TBC1D5: variants seen among roughly 807,000 people sequenced by gnomAD.
TBC1D5 encodes TBC1 domain family member 5.
In TBC1D5, 75 loss-of-function variants were observed where a neutral mutation model predicts 100.3. The observed-to-expected ratio is 0.75, with a 90% CI of 0.62 to 0.91. TBC1D5 has a LOEUF of 0.91. TBC1D5 is among the 40% of genes least tolerant of loss of function. The probability of loss-of-function intolerance (pLI) is 0.00; values close to 1 mark genes in which losing one functional copy is unlikely to be tolerated. For missense variants in TBC1D5, 910 were observed against 942.4 expected (o/e 0.97, Z 0.45); for synonymous variants, 323 against 325.6 (o/e 0.99, Z 0.09).
At chr3:17,519,074 C>A (rs1259496346) in intron 2 of TBC1D5, 2 of 152,318 alleles carry the variant, frequency 1.3e-5, no homozygotes, top group South Asian at 2.1e-4. Flanking sequence ...AAGCAAATAT[C>A]CTGCTTCAGA....
At chr3:17,513,472 GA>G (rs2095940538) in intron 2 of TBC1D5, among the ~76,000 whole-genome samples, 1 of 152,104 alleles carries the variant, frequency 6.6e-6, no homozygotes, top group South Asian at 2.1e-4. Flanking sequence ...AGAACCTCTA[GA>G]AATGAATTTA....
chr3:17,380,039 CTGTGTATGTGTGTGTGTGTGTGTGTG>C (rs1220638430), intron 9 of TBC1D5, among the ~76,000 whole-genome samples: 15 of 100,128 alleles, frequency 1.5e-4, no homozygotes, highest in Admixed American at 1.2e-3. Context: ...ACAGCTGTGA[CTGTGTATGTGTGTGTGTGTGTGTGTG>C]TGTGTGTGTG....
At chr3:17,706,327 C>G in intron 1 of TBC1D5, 1 of 1,403,176 alleles carries the variant, frequency 7.1e-7, no homozygotes, top group Non-Finnish European at 9.6e-7. Flanking sequence ...AACTGTATAC[C>G]TTTGTGAAAG....
intron 17 of TBC1D5, among the ~76,000 whole-genome samples, chr3:17,225,723 G>A (rs560674224): frequency 6.6e-6 from 1 of 151,832 alleles, no homozygotes; most frequent in African/African-American, 2.4e-5. Context: ...ACACACCTGT[G>A]GTCCCACCTA....
chr3:17,617,285 A>T (rs1221098248), intron 2 of TBC1D5, among the ~76,000 whole-genome samples: 1 of 152,202 alleles, frequency 6.6e-6, no homozygotes, highest in Admixed American at 6.5e-5. Context: ...TTTGTGGGTA[A>T]CTCGACCTTT....
chr3:17,712,322 A>G (rs1283961735), intron 1 of TBC1D5, among the ~76,000 whole-genome samples: 1 of 152,164 alleles, frequency 6.6e-6, no homozygotes, highest in Non-Finnish European at 1.5e-5. Flanking sequence ...AGATCTTTAC[A>G]AGAGTCTGGA....
intron 1 of TBC1D5, among the ~76,000 whole-genome samples, chr3:17,730,940 T>C (rs1182376666): frequency 6.6e-6 from 1 of 152,118 alleles, no homozygotes; most frequent in African/African-American, 2.4e-5. Flanking sequence ...TCATAATTCA[T>C]AATATTTATG....
At chr3:17,350,593 C>T (rs964004872) in intron 13 of TBC1D5, among the ~76,000 whole-genome samples, 1 of 152,136 alleles carries the variant, frequency 6.6e-6, no homozygotes, top group South Asian at 2.1e-4. Flanking sequence ...GATGAAGAGA[C>T]AGATGTACTA....
chr3:17,443,886 T>A (rs1351984470), intron 3 of TBC1D5, among the ~76,000 whole-genome samples: 1 of 152,056 alleles, frequency 6.6e-6, no homozygotes, highest in Non-Finnish European at 1.5e-5. Context: ...AAACAACATT[T>A]TAAAAAATGA....
intron 19 of TBC1D5, among the ~76,000 whole-genome samples, chr3:17,178,104 C>G (rs142955683): frequency 7.3e-5 from 10 of 136,638 alleles, no homozygotes; most frequent in East Asian, 2.1e-4. Context: ...CTCGCTCTGT[C>G]GCCCAGGCTG....
intron 3 of TBC1D5, among the ~76,000 whole-genome samples, chr3:17,464,622 C>G (rs182149143): frequency 5.8e-4 from 88 of 152,302 alleles, no homozygotes; most frequent in African/African-American, 2.1e-3. Context: ...TTTACTACTG[C>G]TACCACCATG....
intron 3 of TBC1D5, among the ~76,000 whole-genome samples, chr3:17,429,935 C>G (rs1179889322): frequency 6.8e-6 from 1 of 146,996 alleles, no homozygotes; most frequent in Non-Finnish European, 1.5e-5. Context: ...TTTGAAAAAA[C>G]AAAAAATCCT....
intron 17 of TBC1D5, among the ~76,000 whole-genome samples, chr3:17,236,495 T>A (rs1467657728): frequency 6.6e-6 from 1 of 152,094 alleles, no homozygotes; most frequent in Non-Finnish European, 1.5e-5. Flanking sequence ...CGAGATTTTT[T>A]TTTTTTTTTG....
chr3:17,274,703 C>T (rs1378200133), intron 15 of TBC1D5, among the ~76,000 whole-genome samples: 1 of 152,144 alleles, frequency 6.6e-6, no homozygotes, highest in Non-Finnish European at 1.5e-5. Context: ...ACAATACCCA[C>T]TTTAAGTAGA....
chr3:17,610,418 C>T (rs1006092272), intron 2 of TBC1D5, among the ~76,000 whole-genome samples: 11 of 152,092 alleles, frequency 7.2e-5, no homozygotes, highest in African/African-American at 2.4e-4. Flanking sequence ...AACTCCTGGC[C>T]TCAAGCAATC....
At chr3:17,529,449 CCCTATCTTTCCATCATTGTA>C (rs1389539315) in intron 2 of TBC1D5, among the ~76,000 whole-genome samples, 2 of 151,994 alleles carry the variant, frequency 1.3e-5, no homozygotes, top group African/African-American at 2.4e-5. Flanking sequence ...TTCTGGGTGG[CCCTATCTTTCCATCATTGTA>C]CTTATCACAA....
intron 18 of TBC1D5, among the ~76,000 whole-genome samples, chr3:17,205,459 CCA>C (rs1208771878): frequency 6.6e-6 from 1 of 152,192 alleles, no homozygotes; most frequent in African/African-American, 2.4e-5. Flanking sequence ...CAATTTAACT[CCA>C]GTTGCCTGAA....
At chr3:17,318,997 A>C (rs2085038941) in intron 13 of TBC1D5, among the ~76,000 whole-genome samples, 1 of 152,206 alleles carries the variant, frequency 6.6e-6, no homozygotes, top group Admixed American at 6.5e-5. Context: ...ACTATAAAGA[A>C]CTAAGAACTT....
intron 3 of TBC1D5, among the ~76,000 whole-genome samples, chr3:17,438,505 C>T (rs2094578443): frequency 1.3e-5 from 2 of 152,086 alleles, no homozygotes; most frequent in African/African-American, 4.8e-5. Flanking sequence ...AAGGGGATTC[C>T]CCCTTCGCTG....
Sources: gnomAD v4.1 joint callset for allele counts (sites outside exome capture counted in the v4.1 genomes callset) on GRCh38, gnomAD v4.1.1 for gene constraint, MANE v1.5 for transcripts, NCBI Gene and HGNC (gene_info 2026-07-23, HGNC 2026-07-21) for gene names.